VGLL4: variants seen among roughly 807,000 people sequenced by gnomAD.
VGLL4 encodes the protein transcription cofactor vestigial-like protein 4.
A neutral mutation model predicts 21.0 loss-of-function variants in VGLL4; 7 were observed. The observed-to-expected ratio is 0.33, with a 90% CI of 0.19 to 0.63. The LOEUF (loss-of-function observed/expected upper bound fraction) is 0.63. Among genes scored for constraint, VGLL4 ranks in the 20% least tolerant of loss-of-function variants. VGLL4 has a pLI of 0.78. For synonymous variants in VGLL4, 222 were observed against 173.2 expected (o/e 1.28, Z -2.21); for missense variants, 394 against 425.7 (o/e 0.93, Z 0.66).
At chr3:11,573,942 A>G (rs2073951910) in intron 2 of VGLL4, among the ~76,000 whole-genome samples, 1 of 152,220 alleles carries the variant, frequency 6.6e-6, no homozygotes, top group Non-Finnish European at 1.5e-5. Context: ...AAATCTGGAT[A>G]CAGTGACAGA....
At chr3:11,684,268 TAAA>T (rs1343711623) in intron 2 of VGLL4, among the ~76,000 whole-genome samples, 4 of 152,146 alleles carry the variant, frequency 2.6e-5, no homozygotes, top group Non-Finnish European at 5.9e-5. Context: ...ATGAAGAATA[TAAA>T]CTTTTAAATA....
At chr3:11,630,259 C>T (rs2075447286) in intron 1 of VGLL4, among the ~76,000 whole-genome samples, 1 of 152,158 alleles carries the variant, frequency 6.6e-6, no homozygotes, top group African/African-American at 2.4e-5. Flanking sequence ...TAATGAATTA[C>T]AAGTTAACAA....
intron 2 of VGLL4, among the ~76,000 whole-genome samples, chr3:11,656,114 A>T (rs1231162772): frequency 6.6e-6 from 1 of 152,226 alleles, no homozygotes; most frequent in Non-Finnish European, 1.5e-5. Context: ...TGATCAAAGT[A>T]TGATTTCCTG....
In VGLL4 at chr3:11,630,923, T is replaced by A. The variant is rs914031855; in HGVS notation, c.82+12514A>T. Among the ~76,000 whole-genome samples, 4 of 152,096 alleles carry A rather than the reference T, an allele frequency of 2.6e-5. No individual in the cohort carries two copies. In the South Asian group the frequency reaches 8.3e-4, roughly 31 times the overall value. On this transcript the variant is annotated intron_variant, in intron 1 of 4. Transcript: ENST00000430365. Reference sequence around the variant, plus strand: ...AATAATACGTTTTATGTTATATATATACTTGGCCACAGAATAAACAATTCT... The same window carrying A: ...AATAATACGTTTTATGTTATATATAAACTTGGCCACAGAATAAACAATTCT...
At chr3:11,573,288 AAAGAAAGAAAGAAAGAAAGGAAGGAAGG>A (rs1559869718) in intron 2 of VGLL4, among the ~76,000 whole-genome samples, 745 of 11,682 alleles carry the variant, frequency 0.064, 82 homozygotes, top group South Asian at 0.17. Flanking sequence ...AGAAAGAAAG[AAAGAAAGAAAGAAAGAAAGGAAGGAAGG>A]AAGAAAGAAA....
chr3:11,703,659 A>T (rs2076715822), intron 1 of VGLL4, among the ~76,000 whole-genome samples: 2 of 152,220 alleles, frequency 1.3e-5, no homozygotes, highest in Admixed American at 1.3e-4. Context: ...AGCATACTAT[A>T]AAAGCTAAAA....
At chr3:11,620,401 CCT>C (rs968495730) in intron 1 of VGLL4, among the ~76,000 whole-genome samples, 6 of 152,136 alleles carry the variant, frequency 3.9e-5, no homozygotes, top group Admixed American at 2.6e-4. Context: ...GCACAGCACC[CCT>C]GAGCCAGCAG....
intron 3 of VGLL4, among the ~76,000 whole-genome samples, chr3:11,563,141 C>T (rs1207242634): frequency 1.3e-5 from 2 of 152,314 alleles, no homozygotes; most frequent in African/African-American, 4.8e-5. Flanking sequence ...CCCACCCTGA[C>T]CATGTGGGCA....
At chr3:11,690,806 G>A (rs2076516397) in intron 2 of VGLL4, among the ~76,000 whole-genome samples, 1 of 152,024 alleles carries the variant, frequency 6.6e-6, no homozygotes, top group Admixed American at 6.6e-5. Context: ...AAGCCAATGA[G>A]GATTAAGTTT....
At chr3:11,563,122 C>T (rs2073174534) in intron 3 of VGLL4, among the ~76,000 whole-genome samples, 1 of 152,238 alleles carries the variant, frequency 6.6e-6, no homozygotes, top group African/African-American at 2.4e-5. Context: ...ACACTAAGCC[C>T]GCCAAGGGCC....
At chr3:11,667,067 C>A (rs111287139) in intron 2 of VGLL4, among the ~76,000 whole-genome samples, 4 of 152,350 alleles carry the variant, frequency 2.6e-5, no homozygotes, top group African/African-American at 9.6e-5. Context: ...CTTCCAGCAA[C>A]CATCTCTTCA....
At chr3:11,702,250 G>C (rs2076690584) in intron 2 of VGLL4, among the ~76,000 whole-genome samples, 1 of 152,004 alleles carries the variant, frequency 6.6e-6, no homozygotes, top group South Asian at 2.1e-4. Flanking sequence ...CCAGATCACT[G>C]ATAGTAACCT....
chr3:11,643,466 T>C lies in VGLL4; in HGVS notation c.53A>G (p.Asn18Ser), dbSNP rs1471038039. ...LLNYQYLDKM[N>S]NNIGILCYEG... ...GTAGCACAGAATGCCGATATTGTTG[T>C]TCATCTTGTCCAAGTACTGATAGTT... The change falls in exon 1 of 5, where the codon AAC (asparagine) becomes AGC (serine). Residue 18 changes from asparagine (N) to serine (S), a missense_variant. Coordinates refer to ENST00000430365, the MANE Select transcript of VGLL4 (RefSeq NM_001128219.3). The C allele has an allele frequency of 3.7e-6, 6 of 1,614,018 alleles. No homozygotes were observed. The highest frequency in any genetic ancestry group is 5.1e-6 in the Non-Finnish European group (6 of 1,179,908).
At chr3:11,583,450 A>C (rs568944228) in intron 2 of VGLL4, among the ~76,000 whole-genome samples, 1 of 152,304 alleles carries the variant, frequency 6.6e-6, no homozygotes, top group South Asian at 2.1e-4. Context: ...TTTCTAGTAA[A>C]TGGTACATCT....
intron 1 of VGLL4, among the ~76,000 whole-genome samples, chr3:11,639,820 G>A (rs2075655263): frequency 6.6e-6 from 1 of 152,156 alleles, no homozygotes; most frequent in Admixed American, 6.5e-5. Flanking sequence ...AGGTTGCAGT[G>A]AGTGGAGATG....
At chr3:11,642,330 G>A (rs2075709111) in intron 1 of VGLL4, among the ~76,000 whole-genome samples, 1 of 151,990 alleles carries the variant, frequency 6.6e-6, no homozygotes, top group South Asian at 2.1e-4. Flanking sequence ...TTCCTTGAAG[G>A]GGAAAAATAC....
chr3:11,581,734 A>G (rs1416100073), intron 2 of VGLL4, among the ~76,000 whole-genome samples: 1 of 152,254 alleles, frequency 6.6e-6, no homozygotes, highest in African/African-American at 2.4e-5. Flanking sequence ...CAAACCCTCC[A>G]GACTCCAACT....
At chr3:11,704,320 T>A (rs1193386605) in intron 1 of VGLL4, among the ~76,000 whole-genome samples, 9 of 138,564 alleles carry the variant, frequency 6.5e-5, no homozygotes, top group African/African-American at 2.1e-4. Flanking sequence ...GAGGCAGAGG[T>A]TGCGGTGAGC....
intron 1 of VGLL4, among the ~76,000 whole-genome samples, chr3:11,637,935 CAAT>C (rs1178552161): frequency 6.6e-6 from 1 of 152,148 alleles, no homozygotes; most frequent in Admixed American, 6.5e-5. Flanking sequence ...CTTCAATGTG[CAAT>C]AATAAATACC....
Sources: allele counts gnomAD v4.1 joint callset (sites outside exome capture counted in the v4.1 genomes callset), GRCh38; gene constraint gnomAD v4.1.1; transcripts MANE v1.5; gene names NCBI Gene and HGNC (gene_info 2026-07-23, HGNC 2026-07-21).